The following MCPH1 variants were observed in gnomAD, a reference collection of about 807,000 sequenced individuals.
MCPH1 encodes the protein microcephalin.
MCPH1 carries 104 observed loss-of-function variants against 84.5 expected under a neutral mutation model. That is an observed-to-expected ratio of 1.23 (90% CI 1.05 to 1.45). The LOEUF is 1.45. Among genes scored for constraint, MCPH1 ranks in the 40% most tolerant of loss-of-function variants. MCPH1 has a pLI of 0.00. For missense variants in MCPH1, 1,498 were observed against 1,005.7 expected (o/e 1.49, Z -6.62); for synonymous variants, 514 against 366.8 (o/e 1.40, Z -4.58).
At chr8:6,635,445 A>G (rs1241050645) in intron 13 of MCPH1, 1 of 152,158 alleles carries the variant, frequency 6.6e-6, no homozygotes, top group Non-Finnish European at 1.5e-5. Flanking sequence ...AAGAAAAAAA[A>G]TTAGCCGGGC....
chr8:6,509,714 T>C (rs1336967670), intron 12 of MCPH1, among the ~76,000 whole-genome samples: 1 of 152,174 alleles, frequency 6.6e-6, no homozygotes, highest in Non-Finnish European at 1.5e-5. Flanking sequence ...CCATTTTCTG[T>C]TGAAAATGTT....
intron 12 of MCPH1, among the ~76,000 whole-genome samples, chr8:6,607,161 G>A (rs1418934347): frequency 6.6e-6 from 1 of 152,124 alleles, no homozygotes; most frequent in East Asian, 1.9e-4. Flanking sequence ...TCTCCCCTGG[G>A]GCAGGTTATA....
chr8:6,465,960 C>T (rs931235482), intron 9 of MCPH1, among the ~76,000 whole-genome samples: 1 of 150,214 alleles, frequency 6.7e-6, no homozygotes, highest in African/African-American at 2.5e-5. Context: ...TCCATCCATC[C>T]ATCCATCCAT....
At chr8:6,543,165 T>G (rs1821916934) in intron 12 of MCPH1, among the ~76,000 whole-genome samples, 1 of 152,080 alleles carries the variant, frequency 6.6e-6, no homozygotes, top group Non-Finnish European at 1.5e-5. Context: ...CCCAAAAAGT[T>G]GAAAGAATTC....
intron 12 of MCPH1, among the ~76,000 whole-genome samples, chr8:6,510,845 A>T (rs1490916314): frequency 1.3e-5 from 2 of 152,206 alleles, no homozygotes; most frequent in Non-Finnish European, 2.9e-5. Flanking sequence ...TAGAAACTTC[A>T]TCCTAAGGCA....
In MCPH1 at chr8:6,644,722, T is replaced by G. The variant is rs948033024; in HGVS notation, c.*1673T>G. 1 of 152,194 alleles carries G rather than the reference T, an allele frequency of 6.6e-6. No individual in the cohort carries two copies. The highest frequency in any genetic ancestry group is 2.4e-5 in the African/African-American group (1 of 41,428). 9.4% of individuals were successfully genotyped at this position (152,194 alleles called of 1,614,324 possible). The stretch of plus-strand genomic sequence containing the variant: ...CACTGAGCCCTCATCGTGGTGCCGT[T>G]CCCGCTCTGGGTTATTTATCTGTTG... On this transcript the variant is annotated 3_prime_UTR_variant, in exon 14 of 14. Transcript: ENST00000344683.
At chr8:6,542,536 C>A (rs748819412) in intron 12 of MCPH1, among the ~76,000 whole-genome samples, 14 of 151,978 alleles carry the variant, frequency 9.2e-5, no homozygotes, top group Admixed American at 2.6e-4. Flanking sequence ...CTAACTTAAA[C>A]CCTGGTCTCC....
chr8:6,488,195 G>A (rs866417300), intron 11 of MCPH1, among the ~76,000 whole-genome samples: 13 of 152,332 alleles, frequency 8.5e-5, no homozygotes, highest in African/African-American at 2.6e-4. Context: ...GGAAGCAGGC[G>A]CTGCGGTCTA....
intron 12 of MCPH1, chr8:6,513,641 T>G (rs1268744117): frequency 7.0e-6 from 11 of 1,581,872 alleles, no homozygotes; most frequent in Non-Finnish European, 9.5e-6. Context: ...CCACAAATCT[T>G]TTAATTTTTT....
chr8:6,475,163 A>G (rs959202002), intron 9 of MCPH1, among the ~76,000 whole-genome samples: 1 of 152,210 alleles, frequency 6.6e-6, no homozygotes, highest in Non-Finnish European at 1.5e-5. Context: ...TTATCCCAGG[A>G]TGAGAGACAA....
chr8:6,436,272 A>G lies in MCPH1; in HGVS notation c.436+110A>G. ...TGAGAGAGCTGATGAAGACTATGAT[A>G]GCTTTACTCTATGAAGGAGAAAACA... is the stretch of plus-strand genomic sequence containing the variant. On this transcript the variant is annotated intron_variant, in intron 5 of 13. Transcript: ENST00000344683. 4 of 1,193,066 alleles carry G rather than the reference A, an allele frequency of 3.4e-6. No individual in the cohort carries two copies. The Admixed American group carries it at 7.3e-5, about 22-fold the overall frequency. The allele number at this position is 1,193,066 out of a possible 1,614,324, so 73.9% of individuals were successfully genotyped here. A position where few individuals can be genotyped will look rare whatever the true frequency, so the allele number is the denominator to read the frequency against.
At chr8:6,594,074 T>G (rs1453341750) in intron 12 of MCPH1, among the ~76,000 whole-genome samples, 1 of 152,216 alleles carries the variant, frequency 6.6e-6, no homozygotes, top group Non-Finnish European at 1.5e-5. Context: ...ATTGGTGTTT[T>G]GACAGCTGGC....
intron 12 of MCPH1, among the ~76,000 whole-genome samples, chr8:6,525,736 T>G (rs1818207058): frequency 6.6e-6 from 1 of 152,242 alleles, no homozygotes; most frequent in African/African-American, 2.4e-5. Flanking sequence ...ATTTTCTTTT[T>G]TTATTATTTA....
intron 1 of MCPH1, among the ~76,000 whole-genome samples, chr8:6,408,436 G>A (rs1318663541): frequency 6.6e-6 from 1 of 152,028 alleles, no homozygotes. Context: ...TGCCTAGGCT[G>A]GTCTTGAATT....
At chr8:6,625,465 G>A (rs568120444) in intron 13 of MCPH1, 46 of 984,898 alleles carry the variant, frequency 4.7e-5, no homozygotes, top group Middle Eastern at 5.2e-4. Flanking sequence ...TCAAAATATC[G>A]CAATATTGAA....
At chr8:6,553,314 G>T (rs948627079) in intron 12 of MCPH1, among the ~76,000 whole-genome samples, 2 of 152,096 alleles carry the variant, frequency 1.3e-5, no homozygotes, top group African/African-American at 2.4e-5. Flanking sequence ...AAAGGAACAA[G>T]TAAAGCAACA....
intron 11 of MCPH1, among the ~76,000 whole-genome samples, chr8:6,482,144 A>C (rs1809326003): frequency 6.6e-6 from 1 of 152,178 alleles, no homozygotes. Context: ...TTGGCCTAAT[A>C]ATGTTCCCCA....
In MCPH1 at chr8:6,476,239, G is replaced by A. The variant is rs1282232320; in HGVS notation, c.1936-1355G>A. Among the ~76,000 whole-genome samples the A allele has an allele frequency of 3.3e-5, 5 of 152,140 alleles. No homozygotes were observed. In the South Asian group the frequency reaches 6.2e-4, roughly 19 times the overall value. On this transcript the variant is annotated intron_variant, in intron 9 of 13. Transcript: ENST00000344683. Reference sequence around the variant, plus strand: ...AGGTCAGGAGTTGGAGACCAGCCTGGCCAACATGGTGGAACCCTGTCTCTA... The same window carrying A: ...AGGTCAGGAGTTGGAGACCAGCCTGACCAACATGGTGGAACCCTGTCTCTA...
intron 12 of MCPH1, chr8:6,519,955 C>G (rs1817001998): frequency 6.2e-7 from 1 of 1,613,972 alleles, no homozygotes; most frequent in Non-Finnish European, 8.5e-7. Context: ...GTCTCTGAAG[C>G]TGATTTGTTC....
Sources: allele counts gnomAD v4.1 joint callset (sites outside exome capture counted in the v4.1 genomes callset), GRCh38; gene constraint gnomAD v4.1.1; transcripts MANE v1.5; gene names NCBI Gene and HGNC (gene_info 2026-07-23, HGNC 2026-07-21).